The following PARD3B variants were observed in gnomAD, a reference collection of about 807,000 sequenced individuals.
PARD3B encodes the protein partitioning defective 3 homolog B.
In PARD3B, 103 loss-of-function variants were observed where a neutral mutation model predicts 130.2. The observed-to-expected ratio is 0.79, with a 90% CI of 0.67 to 0.93. The LOEUF (loss-of-function observed/expected upper bound fraction) is 0.93. PARD3B is among the 40% of genes least tolerant of loss of function. The pLI, the probability that PARD3B is intolerant of heterozygous loss-of-function variation, is 0.00. For missense variants in PARD3B, 1,609 were observed against 1,499.2 expected, an observed-to-expected ratio of 1.07 and a Z score of -1.21; for synonymous variants, 583 against 553.2, an observed-to-expected ratio of 1.05 and a Z score of -0.76.
At chr2:205,310,251 A>AT (rs1351890823) in intron 18 of PARD3B, among the ~76,000 whole-genome samples, 1 of 151,472 alleles carries the variant, frequency 6.6e-6, no homozygotes, top group African/African-American at 2.4e-5. Context: ...CGCCCAGCTA[A>AT]TTTTTTGTAT....
intron 3 of PARD3B, among the ~76,000 whole-genome samples, chr2:205,024,817 A>G (rs1420203855): frequency 3.3e-5 from 5 of 152,192 alleles, no homozygotes; most frequent in Admixed American, 6.5e-5. Flanking sequence ...ACTAATGATC[A>G]TGTGGTTTTC....
At chr2:205,197,848 G>A (rs1456808466) in intron 15 of PARD3B, among the ~76,000 whole-genome samples, 1 of 152,122 alleles carries the variant, frequency 6.6e-6, no homozygotes, top group East Asian at 1.9e-4. Context: ...TCATAATTGA[G>A]CTTGTGTGGG....
intron 4 of PARD3B, among the ~76,000 whole-genome samples, chr2:205,096,123 T>A (rs1291631924): frequency 1.1e-4 from 17 of 152,148 alleles, no homozygotes; most frequent in Middle Eastern, 3.2e-3. Context: ...TTTGGTCAAA[T>A]GAATACCTCT....
At chr2:205,144,221 G>A (rs944504024) in intron 10 of PARD3B, among the ~76,000 whole-genome samples, 1 of 152,120 alleles carries the variant, frequency 6.6e-6, no homozygotes, top group African/African-American at 2.4e-5. Flanking sequence ...GGCATGTGGT[G>A]GTCCAAGGAA....
At chr2:205,065,135 G>A (rs1424887356) in intron 4 of PARD3B, among the ~76,000 whole-genome samples, 1 of 152,212 alleles carries the variant, frequency 6.6e-6, no homozygotes, top group Non-Finnish European at 1.5e-5. Context: ...CTTAGGCACA[G>A]GAAGATGAGG....
At chr2:204,563,762 C>T (rs550796967) in intron 1 of PARD3B, among the ~76,000 whole-genome samples, 2 of 152,130 alleles carry the variant, frequency 1.3e-5, no homozygotes, top group Admixed American at 6.5e-5. Context: ...ATGTCACATC[C>T]TTTGTGGTCT....
At chr2:204,564,841 GA>G (rs1198049959) in intron 1 of PARD3B, among the ~76,000 whole-genome samples, 15 of 152,184 alleles carry the variant, frequency 9.9e-5, no homozygotes, top group African/African-American at 3.1e-4. Context: ...GATAATTGTA[GA>G]TATGCTTTTT....
chr2:205,571,606 T>A (rs2053563640), intron 22 of PARD3B, among the ~76,000 whole-genome samples: 1 of 152,222 alleles, frequency 6.6e-6, no homozygotes, highest in Non-Finnish European at 1.5e-5. Flanking sequence ...GTTGGTATTA[T>A]GAAGAAGGCT....
intron 1 of PARD3B, among the ~76,000 whole-genome samples, chr2:204,577,931 G>C (rs1464963796): frequency 6.6e-6 from 1 of 152,078 alleles, no homozygotes; most frequent in Non-Finnish European, 1.5e-5. Flanking sequence ...AGTGGCCCTC[G>C]TTGGGGGTGG....
chr2:204,938,918 A>G (rs1009249503), intron 2 of PARD3B, among the ~76,000 whole-genome samples: 2 of 152,218 alleles, frequency 1.3e-5, no homozygotes, highest in Non-Finnish European at 2.9e-5. Flanking sequence ...GAGAGTAAAT[A>G]TGGATGCCCT....
intron 3 of PARD3B, among the ~76,000 whole-genome samples, chr2:204,973,214 C>T (rs1385324537): frequency 1.3e-5 from 2 of 152,178 alleles, no homozygotes; most frequent in Non-Finnish European, 2.9e-5. Context: ...CTGCTTTTCA[C>T]AGCCTAATAA....
rs1263643419 is a variant in PARD3B at position 205,050,318 on chromosome 2, G to C, written c.504+2628G>C. On this transcript the variant is annotated intron_variant, in intron 4 of 22. Coordinates refer to ENST00000406610, the MANE Select transcript of PARD3B (RefSeq NM_001302769.2). ...AAGGTCTAGTTCACCACAGGCAAGT[G>C]ACAGATAGTTTAACTTCCCTATTAT... is the stretch of plus-strand genomic sequence containing the variant. 3.3e-5 allele frequency among the ~76,000 whole-genome samples: 5 copies of C among 151,958 alleles called. No individual in the cohort carries two copies. The East Asian group carries it at 9.7e-4, about 29-fold the overall frequency.
At chr2:204,598,599 A>G (rs1223292090) in intron 1 of PARD3B, among the ~76,000 whole-genome samples, 3 of 152,128 alleles carry the variant, frequency 2.0e-5, no homozygotes, top group African/African-American at 4.8e-5. Flanking sequence ...CATGGAATTT[A>G]TATATGCTAA....
At chr2:204,861,214 CGT>C (rs1285060412) in intron 2 of PARD3B, among the ~76,000 whole-genome samples, 18 of 111,702 alleles carry the variant, frequency 1.6e-4, no homozygotes, top group East Asian at 1.2e-3. Flanking sequence ...CTCTCTCTCT[CGT>C]ACCTCTTATT....
intron 1 of PARD3B, among the ~76,000 whole-genome samples, chr2:204,563,527 C>T (rs1176905776): frequency 6.6e-6 from 1 of 152,018 alleles, no homozygotes; most frequent in Non-Finnish European, 1.5e-5. Context: ...CTGTTGATTT[C>T]CCCATTGCCT....
At position 204,935,341 on chromosome 2, in the gene PARD3B, A is replaced by G. The variant is rs540650286; in HGVS notation, c.223-29811A>G. Among the ~76,000 whole-genome samples the G allele has an allele frequency of 1.0e-4, 15 of 148,878 alleles. No individual in the cohort carries two copies. In the East Asian group the frequency reaches 2.8e-3, roughly 27 times the overall value. On this transcript the variant is annotated intron_variant, in intron 2 of 22. Coordinates refer to ENST00000406610, the MANE Select transcript of PARD3B (RefSeq NM_001302769.2). ...TCAGGAGATCAAGACCATCCTGGCT[A>G]ACACGGTGAAACCCTGTCTCTACTA...
At chr2:205,133,124 GTGCCACAA>G (rs2032163393) in intron 10 of PARD3B, among the ~76,000 whole-genome samples, 2 of 152,084 alleles carry the variant, frequency 1.3e-5, no homozygotes, top group Admixed American at 1.3e-4. Context: ...TTACAGCTGC[GTGCCACAA>G]TGAGGGTTAG....
intron 10 of PARD3B, among the ~76,000 whole-genome samples, chr2:205,132,131 A>G (rs1339529043): frequency 6.6e-6 from 1 of 152,166 alleles, no homozygotes; most frequent in Non-Finnish European, 1.5e-5. Context: ...ATTCCTTGTT[A>G]TTATAACCAT....
At chr2:205,546,441 G>A (rs1239567752) in intron 21 of PARD3B, among the ~76,000 whole-genome samples, 8 of 151,972 alleles carry the variant, frequency 5.3e-5, no homozygotes, top group Admixed American at 5.2e-4. Context: ...TACCAAGTAA[G>A]ATAAAGGGAT....
Sources: allele counts gnomAD v4.1 joint callset (sites outside exome capture counted in the v4.1 genomes callset), GRCh38; gene constraint gnomAD v4.1.1; transcripts MANE v1.5; gene names NCBI Gene and HGNC (gene_info 2026-07-23, HGNC 2026-07-21).